Variants in LCOR observed in about 807,000 individuals in gnomAD.
The protein encoded by LCOR is ligand dependent nuclear receptor corepressor.
In LCOR, 14 loss-of-function variants were observed where a neutral mutation model predicts 64.4. That is an observed-to-expected ratio of 0.22 (90% confidence interval 0.14 to 0.34). The LOEUF is 0.34. LCOR is among the 10% of genes least tolerant of loss of function. The pLI is 1.00. For synonymous variants in LCOR, 643 were observed against 642.5 expected (o/e 1.00, Z -0.01); for missense variants, 1,686 against 1,765.3 (o/e 0.96, Z 0.80).
chr10:96,944,864 A>G (rs1031122289), intron 5 of LCOR, among the ~76,000 whole-genome samples: 1 of 152,156 alleles, frequency 6.6e-6, no homozygotes, highest in African/African-American at 2.4e-5. Context: ...TTCAAAATAC[A>G]GAAAAGTTCT....
chr10:96,833,815 G>T (rs1448484753), intron 2 of LCOR, among the ~76,000 whole-genome samples: 1 of 152,192 alleles, frequency 6.6e-6, no homozygotes, highest in Non-Finnish European at 1.5e-5. Context: ...CTGCTTTCTG[G>T]TGTCCATTCA....
intron 2 of LCOR, among the ~76,000 whole-genome samples, chr10:96,849,725 A>G (rs1034955939): frequency 1.3e-5 from 2 of 152,170 alleles, no homozygotes; most frequent in Non-Finnish European, 2.9e-5. Context: ...CATCTTTTCT[A>G]TATATGCCCA....
chr10:96,946,687 A>G (rs776279759), intron 5 of LCOR, among the ~76,000 whole-genome samples: 16 of 152,108 alleles, frequency 1.1e-4, no homozygotes, highest in Non-Finnish European at 5.9e-5. Flanking sequence ...AGATAGAGAA[A>G]TTCAAATGGC....
intron 2 of LCOR, among the ~76,000 whole-genome samples, chr10:96,890,190 A>T (rs1846416463): frequency 2.7e-5 from 4 of 148,408 alleles, no homozygotes; most frequent in South Asian, 2.2e-4. Context: ...GTAACTTTGA[A>T]CTCCTGGAGT....
At chr10:96,932,989 G>C (rs1847288437) in intron 4 of LCOR, among the ~76,000 whole-genome samples, 1 of 152,154 alleles carries the variant, frequency 6.6e-6, no homozygotes, top group African/African-American at 2.4e-5. Flanking sequence ...AAAATGCACA[G>C]TTATAGTAAC....
intron 2 of LCOR, among the ~76,000 whole-genome samples, chr10:96,867,945 C>T (rs1262793402): frequency 6.6e-6 from 1 of 151,970 alleles, no homozygotes; most frequent in African/African-American, 2.4e-5. Context: ...AGTACAATGG[C>T]ATGATCTTGG....
At chr10:96,898,180 G>C (rs1846574499) in intron 2 of LCOR, among the ~76,000 whole-genome samples, 1 of 152,176 alleles carries the variant, frequency 6.6e-6, no homozygotes, top group Admixed American at 6.5e-5. Flanking sequence ...TACAACTTGA[G>C]TACTGATGAG....
At chr10:96,900,492 A>G (rs1157630471) in intron 2 of LCOR, among the ~76,000 whole-genome samples, 6 of 152,114 alleles carry the variant, frequency 3.9e-5, no homozygotes, top group Non-Finnish European at 7.4e-5. Flanking sequence ...TATAATAGAG[A>G]AGAACAAAAA....
Position 96,983,650 on chromosome 10 carries a change from G to A in LCOR, c.3190G>A (p.Ala1064Thr), listed in dbSNP as rs776356000. Residue 1064 changes from alanine to threonine, a missense_variant, in exon 8 of 8, where the codon GCA becomes ACA. Around this residue, in one of 3 missense-constraint regions of LCOR, gnomAD observed 1,293 missense variants for 1,410.4 expected, o/e 0.92. Transcript: ENST00000421806. The surrounding 1 kb of genome is among the most constrained non-coding windows in gnomAD (Gnocchi z 4.5). ...AAAAGTGACTTCAGAAAAGGAAGCT[G>A]CACAAGTAAACCCCATAATGCCAAA... ...ASKVTSEKEAAQVNPIMPKEN... is the reference protein window; with the variant it reads ...ASKVTSEKEATQVNPIMPKEN... 9 of 1,614,054 alleles carry A rather than the reference G, an allele frequency of 5.6e-6. No individual in the cohort carries two copies. The Admixed American group carries it at 1.3e-4, about 24-fold the overall frequency.
At chr10:96,947,246 TA>T (rs1355147963) in intron 5 of LCOR, among the ~76,000 whole-genome samples, 4 of 152,122 alleles carry the variant, frequency 2.6e-5, no homozygotes, top group African/African-American at 9.6e-5. Flanking sequence ...GTTAGAGTTA[TA>T]AATACTCCTT....
At chr10:96,912,019 C>T (rs886525934) in intron 4 of LCOR, among the ~76,000 whole-genome samples, 4 of 151,972 alleles carry the variant, frequency 2.6e-5, no homozygotes, top group African/African-American at 9.7e-5. Flanking sequence ...GCACCCTCCA[C>T]CTCCCTGGTT....
intron 2 of LCOR, among the ~76,000 whole-genome samples, chr10:96,834,160 G>A (rs1845399759): frequency 1.3e-5 from 2 of 152,172 alleles, no homozygotes; most frequent in African/African-American, 4.8e-5. Flanking sequence ...AATGTATAGC[G>A]TGAGTTTCGT....
At chr10:96,945,165 C>G (rs1393997145) in intron 5 of LCOR, among the ~76,000 whole-genome samples, 7 of 152,098 alleles carry the variant, frequency 4.6e-5, no homozygotes. Flanking sequence ...CTCAGTGATT[C>G]CATTTTCTTT....
At chr10:96,958,417 G>A in intron 7 of LCOR, 1 of 1,463,840 alleles carries the variant, frequency 6.8e-7, no homozygotes, top group Non-Finnish European at 9.3e-7. Context: ...TTCAGTGGAT[G>A]ACAATCGAGC....
intron 2 of LCOR, among the ~76,000 whole-genome samples, chr10:96,890,981 A>AG (rs1344193039): frequency 1.9e-4 from 29 of 151,938 alleles, no homozygotes; most frequent in African/African-American, 6.8e-4. Context: ...TTCGTGAGGG[A>AG]GATTGGTCTG....
chr10:96,942,384 A>G (rs1250176899), intron 4 of LCOR, among the ~76,000 whole-genome samples: 1 of 152,106 alleles, frequency 6.6e-6, no homozygotes, highest in Non-Finnish European at 1.5e-5. Context: ...GTGAGCTGAG[A>G]TGGCAGCAGT....
Position 96,983,559 on chromosome 10 carries a change from T to C in LCOR, c.3099T>C (p.Pro1033=). 1 of 1,614,144 alleles carries C rather than the reference T, an allele frequency of 6.2e-7. No individual in the cohort carries two copies. The highest frequency in any genetic ancestry group is 8.5e-7 in the Non-Finnish European group (1 of 1,180,014). ...AARAPKSVPR[P]KRLTSSTYNL... is the part of the protein sequence containing the mutation. Reference sequence around the variant, plus strand: ...GGGCACCAAAATCGGTGCCAAGGCCTAAAAGATTGACCTCTTCAACCTACA... The same window carrying C: ...GGGCACCAAAATCGGTGCCAAGGCCCAAAAGATTGACCTCTTCAACCTACA... Residue 1033 remains proline (P), a synonymous_variant, in exon 8 of 8, where the codon CCT becomes CCC. Coordinates refer to ENST00000421806, the MANE Select transcript of LCOR (RefSeq NM_001346516.2). The surrounding 1 kb of genome is among the most constrained non-coding windows in gnomAD (Gnocchi z 4.5).
rs565680361 is a variant in LCOR, at chr10:96,867,728, C to T, written c.-330+34249C>T. The stretch of plus-strand genomic sequence containing the variant: ...CCTGGATAACATAGCAAAACCTCAT[C>T]TCTATTTTATATGTATAGATATATA... On this transcript the variant is annotated intron_variant, in intron 2 of 7. Transcript: ENST00000421806. 2.0e-5 allele frequency among the ~76,000 whole-genome samples: 3 copies of T among 152,090 alleles called. No homozygotes were observed. The East Asian group carries it at 5.8e-4, about 29-fold the overall frequency.
intron 7 of LCOR, chr10:96,955,859 A>G (rs2134534517): frequency 6.2e-7 from 1 of 1,614,202 alleles, no homozygotes. Flanking sequence ...ATGTTTCTGT[A>G]AAGATTGAAT....
Sources: gnomAD v4.1 joint callset for allele counts (sites outside exome capture counted in the v4.1 genomes callset) on GRCh38, gnomAD v4.1.1 for gene constraint, gnomAD v4.1.1 regional missense constraint, Gnocchi (gnomAD v3.1) non-coding constraint, MANE v1.5 for transcripts, NCBI Gene and HGNC (gene_info 2026-07-23, HGNC 2026-07-21) for gene names.